Variants in PKD1L1 observed in about 807,000 individuals in gnomAD.
PKD1L1 encodes the protein polycystin-1-like protein 1.
A neutral mutation model predicts 323.4 loss-of-function variants in PKD1L1; 236 were observed. The observed-to-expected ratio is 0.73, with a 90% CI of 0.66 to 0.81. The LOEUF is 0.81. Among genes scored for constraint, PKD1L1 ranks in the 40% least tolerant of loss-of-function variants. PKD1L1 has a pLI of 0.00. For synonymous variants in PKD1L1, 1,344 were observed against 1,335.0 expected (o/e 1.01, Z -0.15); for missense variants, 3,320 against 3,508.0 (o/e 0.95, Z 1.35).
intron 53 of PKD1L1, among the ~76,000 whole-genome samples, chr7:47,801,186 G>A (rs1170066699): frequency 6.6e-6 from 1 of 151,940 alleles, no homozygotes; most frequent in Non-Finnish European, 1.5e-5. Flanking sequence ...GGTGACAAGC[G>A]GCCTGCTCCC....
intron 52 of PKD1L1, among the ~76,000 whole-genome samples, chr7:47,806,296 A>G (rs1178632857): frequency 1.3e-5 from 2 of 152,198 alleles, no homozygotes; most frequent in African/African-American, 4.8e-5. Context: ...TCAGTGACTA[A>G]TCAGATGCTC....
chr7:47,813,580 T>A (rs1784950033), intron 48 of PKD1L1: 1 of 670,446 alleles, frequency 1.5e-6, no homozygotes, highest in African/African-American at 1.8e-5. Context: ...GTAAAATGCC[T>A]GTCTCAGGGC....
intron 32 of PKD1L1, 81 bp downstream of exon 32, chr7:47,846,798 G>T: frequency 1.5e-6 from 2 of 1,305,158 alleles, no homozygotes; most frequent in Non-Finnish European, 2.1e-6. Flanking sequence ...TTCAGGAAAG[G>T]CTCTAGGGGT....
chr7:47,849,606 G>A (rs1785737046), intron 31 of PKD1L1, among the ~76,000 whole-genome samples: 1 of 152,130 alleles, frequency 6.6e-6, no homozygotes, highest in African/African-American at 2.4e-5. Context: ...CTAAGTAATA[G>A]GGAAATGCAA....
intron 3 of PKD1L1, among the ~76,000 whole-genome samples, chr7:47,939,577 C>G (rs2128757892): frequency 6.6e-6 from 1 of 152,330 alleles, no homozygotes; most frequent in South Asian, 2.1e-4. Context: ...ATTGCCCAGG[C>G]CTTCAGACCC....
chr7:47,796,999 C>CAA (rs10600940), intron 54 of PKD1L1, among the ~76,000 whole-genome samples: 1 of 129,528 alleles, frequency 7.7e-6, no homozygotes, highest in Non-Finnish European at 1.6e-5. Flanking sequence ...GACTCCGTCT[C>CAA]AAAAAAAAAA....
intron 15 of PKD1L1, 87 bp downstream of exon 15, chr7:47,893,791 A>G (rs1786874364): frequency 2.2e-6 from 3 of 1,373,682 alleles, no homozygotes; most frequent in African/African-American, 1.5e-5. Flanking sequence ...ATTTAAAACT[A>G]TTAATAGCCT....
At chr7:47,821,587 C>T (rs1238444394) in intron 45 of PKD1L1, among the ~76,000 whole-genome samples, 2 of 150,922 alleles carry the variant, frequency 1.3e-5, no homozygotes, top group African/African-American at 2.4e-5. Flanking sequence ...TTAAATGAAA[C>T]TCGGCTTTTA....
intron 56 of PKD1L1, among the ~76,000 whole-genome samples, chr7:47,790,432 G>A (rs565329870): frequency 6.1e-4 from 92 of 151,650 alleles, no homozygotes; most frequent in African/African-American, 1.9e-3. Flanking sequence ...CTGGGTTCAC[G>A]CTATTCTCCT....
chr7:47,790,748 A>AT (rs1251639750), intron 56 of PKD1L1, among the ~76,000 whole-genome samples: 1 of 146,796 alleles, frequency 6.8e-6, no homozygotes, highest in Non-Finnish European at 1.5e-5. Context: ...TGTGTGTTTT[A>AT]TTTTTTATTT....
chr7:47,817,623 C>G (rs1348306613), intron 46 of PKD1L1, among the ~76,000 whole-genome samples: 2 of 152,164 alleles, frequency 1.3e-5, no homozygotes, highest in Non-Finnish European at 2.9e-5. Flanking sequence ...AATCCTAGCA[C>G]TTTGGAAGGC....
At chr7:47,894,720 A>G (rs1257526345) in intron 14 of PKD1L1, among the ~76,000 whole-genome samples, 1 of 151,926 alleles carries the variant, frequency 6.6e-6, no homozygotes, top group African/African-American at 2.4e-5. Flanking sequence ...GCGTGGTGGC[A>G]TGTGCCTGTA....
At chr7:47,922,753 GGGGGGCAGCC>G (rs1787577297) in intron 7 of PKD1L1, among the ~76,000 whole-genome samples, 1 of 151,476 alleles carries the variant, frequency 6.6e-6, no homozygotes, top group African/African-American at 2.4e-5. Flanking sequence ...TTGGGGAGGT[GGGGGGCAGCC>G]CCCACCCCGG....
At chr7:47,875,247 G>A (rs994623007) in intron 23 of PKD1L1, among the ~76,000 whole-genome samples, 1 of 152,186 alleles carries the variant, frequency 6.6e-6, no homozygotes, top group South Asian at 2.1e-4. Context: ...CTAGAAGAAG[G>A]TACAAGTGTT....
At chr7:47,862,597 G>T (rs1786056757) in intron 26 of PKD1L1, among the ~76,000 whole-genome samples, 1 of 152,164 alleles carries the variant, frequency 6.6e-6, no homozygotes, top group African/African-American at 2.4e-5. Flanking sequence ...ATATTGAAGG[G>T]GATAGCCCAT....
chr7:47,811,808 T>C lies in PKD1L1; in HGVS notation c.7581+9A>G, dbSNP rs780366087. 2.3e-5 allele frequency: 36 copies of C among 1,586,592 alleles called. No homozygotes were observed. Among genetic ancestry groups the C allele is most frequent in the Non-Finnish European group, 3.0e-5 (35 of 1,167,102 alleles). ...ACCTCCAGGAGGCCCAAGAGGCAGG[T>C]CAGCTCACCTGGGGAAGCATGAGGT... On this transcript the variant is annotated intron_variant, in intron 50 of 56. Coordinates refer to ENST00000289672, the MANE Select transcript of PKD1L1 (RefSeq NM_138295.5).
chr7:47,866,272 A>AT (rs1307680923), intron 25 of PKD1L1, 147 bp downstream of exon 25: 2 of 684,620 alleles, frequency 2.9e-6, no homozygotes, highest in Non-Finnish European at 4.8e-6. Flanking sequence ...ACAGCCATGT[A>AT]TGGGAGCTGA....
intron 39 of PKD1L1, 75 bp from the exon 40 acceptor site, chr7:47,834,460 T>C (rs1785415541): frequency 8.2e-7 from 1 of 1,224,770 alleles, no homozygotes; most frequent in South Asian, 1.2e-5. Context: ...GTTTAAGGAT[T>C]AGCGGGGACA....
intron 52 of PKD1L1, among the ~76,000 whole-genome samples, chr7:47,803,645 C>A (rs947439519): frequency 1.3e-5 from 2 of 152,164 alleles, no homozygotes; most frequent in African/African-American, 2.4e-5. Context: ...CTGTCCACCC[C>A]ACGTCTGTTC....
Sources: gnomAD v4.1 joint callset for allele counts (sites outside exome capture counted in the v4.1 genomes callset) on GRCh38, gnomAD v4.1.1 for gene constraint, MANE v1.5 for transcripts, NCBI Gene and HGNC (gene_info 2026-07-23, HGNC 2026-07-21) for gene names.